Variants in FANCA observed in about 807,000 individuals in gnomAD.
FANCA encodes Fanconi anemia group A protein.
In FANCA, 236 loss-of-function variants were observed where a neutral mutation model predicts 194.3. That is an observed-to-expected ratio of 1.21 (90% CI 1.09 to 1.35). The LOEUF is 1.35. Ranked by LOEUF, FANCA falls within the 40% of genes most tolerant of loss-of-function variation. FANCA has a pLI of 0.00. For missense variants in FANCA, 2,628 were observed against 1,813.9 expected (o/e 1.45, Z -8.15); for synonymous variants, 1,014 against 715.8 (o/e 1.42, Z -6.65).
intron 14 of FANCA, among the ~76,000 whole-genome samples, chr16:89,787,326 A>T (rs2039931889): frequency 6.6e-6 from 1 of 152,108 alleles, no homozygotes; most frequent in Non-Finnish European, 1.5e-5. Flanking sequence ...GATCGAGACC[A>T]TCCTGGCTAA....
intron 23 of FANCA, 50 bp downstream of exon 23, chr16:89,771,628 A>G: frequency 6.2e-7 from 1 of 1,605,564 alleles, no homozygotes; most frequent in Non-Finnish European, 8.5e-7. Context: ...GCCTCTGCCT[A>G]ATGGAAAATG....
intron 21 of FANCA, among the ~76,000 whole-genome samples, chr16:89,774,724 T>A (rs1206180780): frequency 1.1e-4 from 2 of 19,038 alleles, no homozygotes; most frequent in African/African-American, 2.2e-4. Flanking sequence ...AGCGAGACTC[T>A]GTCTCAAAAA....
rs55869863 is a variant in FANCA at position 89,763,906 on chromosome 16, G to T, written c.2778+984C>A. On this transcript the variant is annotated intron_variant, in intron 28 of 42. Transcript: ENST00000389301. ...CAAGATTGCGCCACTGTGCCCCAGA[G>T]TAAGACTCCACCAGAAAAAAAAAAC... is the stretch of plus-strand genomic sequence containing the variant. 6.6e-3 allele frequency among the ~76,000 whole-genome samples: 827 copies of T among 124,720 alleles called. 6 individuals are homozygous for T. The highest frequency in any genetic ancestry group is 0.026 in the African/African-American group (802 of 30,702). 81.8% of individuals were successfully genotyped at this position (124,720 alleles called of 152,430 possible).
chr16:89,769,440 C>T (rs1439391422), intron 26 of FANCA, among the ~76,000 whole-genome samples: 1 of 152,112 alleles, frequency 6.6e-6, no homozygotes, highest in Non-Finnish European at 1.5e-5. Flanking sequence ...AGAAACAGCC[C>T]GAGGTGTACA....
Position 89,758,598 on chromosome 16 carries a change from G to A in FANCA, c.2960C>T (p.Ala987Val), listed in dbSNP as rs767606917. Residue 987 changes from alanine to valine, a missense_variant, in exon 30 of 43, where the codon GCA (alanine) becomes GTA (valine). Transcript: ENST00000389301. ...TAACCTTTGGTGGAAATCCATCAGTGCGTTGACAAGAATGGTACACGCAGC... is the reference window on the plus strand; with the variant it reads ...TAACCTTTGGTGGAAATCCATCAGTACGTTGACAAGAATGGTACACGCAGC... ...LQAACTILVNALMDFHQSSRS... is the reference protein window; with the variant it reads ...LQAACTILVNVLMDFHQSSRS... 15 of 1,613,822 alleles carry A rather than the reference G, an allele frequency of 9.3e-6. No homozygotes were observed. The highest frequency in any genetic ancestry group is 1.2e-5 in the Non-Finnish European group (14 of 1,179,892).
rs35254676 is a variant in FANCA, at chr16:89,749,961, G to A, written c.3067-59C>T. On this transcript the variant is annotated intron_variant, in intron 31 of 42. Transcript: ENST00000389301. ...CTCGGGGCTCACTGCCCAGCCAGTC[G>A]GGGACCCAGACGTCAGGGGTCAGGG... 8.0e-5 allele frequency: 128 copies of A among 1,592,686 alleles called. 2 individuals carry two copies. The African/African-American group carries it at 1.3e-3, about 16-fold the overall frequency.
chr16:89,775,899 A>T, intron 20 of FANCA, 84 bp from the exon 21 acceptor site: 2 of 829,744 alleles, frequency 2.4e-6, no homozygotes, highest in East Asian at 5.8e-5. Context: ...ATTATAAAAT[A>T]AAAACATATT....
At chr16:89,809,367 G>T (rs1048261849) in intron 5 of FANCA, among the ~76,000 whole-genome samples, 2 of 152,058 alleles carry the variant, frequency 1.3e-5, no homozygotes, top group Non-Finnish European at 2.9e-5. Context: ...ATGAGGGCAG[G>T]GACCAAAGCA....
intron 14 of FANCA, among the ~76,000 whole-genome samples, chr16:89,787,396 G>A (rs898242160): frequency 6.6e-6 from 1 of 152,074 alleles, no homozygotes; most frequent in Admixed American, 6.6e-5. Flanking sequence ...GGTGGCAGGC[G>A]CCTGTAGTCC....
rs921872731 is a variant in FANCA, at chr16:89,803,192, T to C, written c.792+67A>G. On this transcript the variant is annotated intron_variant, in intron 8 of 42. Coordinates refer to ENST00000389301, the MANE Select transcript of FANCA (RefSeq NM_000135.4). ...ACGTTTCAATAGAGAGACACGTAAA[T>C]ACATTTCAACACTTGGAATAAGGAC... 3 of 1,433,086 alleles carry C rather than the reference T, an allele frequency of 2.1e-6. No homozygotes were observed. In the African/African-American group the frequency reaches 4.2e-5, roughly 20 times the overall value. 88.8% of individuals were successfully genotyped at this position (1,433,086 alleles called of 1,614,324 possible).
intron 11 of FANCA, among the ~76,000 whole-genome samples, chr16:89,794,095 T>C (rs2040165096): frequency 6.6e-6 from 1 of 152,014 alleles, no homozygotes; most frequent in African/African-American, 2.4e-5. Flanking sequence ...GATCTTAATA[T>C]GTACTTTTTC....
chr16:89,793,083 G>C (rs571144011), intron 11 of FANCA, among the ~76,000 whole-genome samples: 1 of 152,192 alleles, frequency 6.6e-6, no homozygotes, highest in South Asian at 2.1e-4. Context: ...TTAGGCCTCC[G>C]GATAACTGTG....
At chr16:89,815,584 G>T (rs1462964602) in intron 2 of FANCA, among the ~76,000 whole-genome samples, 1 of 151,924 alleles carries the variant, frequency 6.6e-6, no homozygotes, top group Non-Finnish European at 1.5e-5. Context: ...TCGAACTCCT[G>T]ACCCTGAGTG....
intron 21 of FANCA, among the ~76,000 whole-genome samples, chr16:89,775,481 C>T (rs1479741119): frequency 6.6e-6 from 1 of 152,218 alleles, no homozygotes; most frequent in Non-Finnish European, 1.5e-5. Flanking sequence ...AGGAAGATGA[C>T]GAGTGACAAA....
At chr16:89,777,341 C>G (rs935232132) in intron 20 of FANCA, among the ~76,000 whole-genome samples, 4 of 152,102 alleles carry the variant, frequency 2.6e-5, no homozygotes, top group African/African-American at 7.2e-5. Context: ...ATGACTGCAC[C>G]GCTGCATTCC....
At chr16:89,803,081 C>A (rs891627740) in intron 8 of FANCA, among the ~76,000 whole-genome samples, 178 bp downstream of exon 8, 2 of 152,084 alleles carry the variant, frequency 1.3e-5, no homozygotes, top group South Asian at 4.1e-4. Context: ...CTGGAGGTGA[C>A]GGAGACTCTA....
At chr16:89,806,870 C>T (rs2040671124) in intron 6 of FANCA, among the ~76,000 whole-genome samples, 2 of 152,188 alleles carry the variant, frequency 1.3e-5, no homozygotes, top group Non-Finnish European at 2.9e-5. Flanking sequence ...TTGGGTACAC[C>T]TCCCAGACGG....
At chr16:89,767,040 G>A (rs2039152364) in intron 27 of FANCA, 101 bp downstream of exon 27, 1 of 954,942 alleles carries the variant, frequency 1.0e-6, no homozygotes, top group Non-Finnish European at 1.7e-6. Flanking sequence ...CTGCCCCTGA[G>A]ATGGGCACAA....
Position 89,738,696 on chromosome 16 carries a change from G to A in FANCA, c.4273C>T (p.Arg1425Cys), listed in dbSNP as rs587778321. The change falls in exon 43 of 43, where the codon CGT becomes TGT. Residue 1425 changes from arginine (R) to cysteine (C), a missense_variant. Coordinates refer to ENST00000389301, the MANE Select transcript of FANCA (RefSeq NM_000135.4). Reference protein sequence around the residue: ...FSHVAELLADRGDCDPEVSAA... With the variant: ...FSHVAELLADCGDCDPEVSAA... ...CTCACCTCTGGGTCGCAGTCCCCAC[G>A]ATCAGCCAGCAGCTGTGAGAGAGGA... 3.8e-5 allele frequency: 62 copies of A among 1,613,884 alleles called. 1 individual carries two copies. The highest frequency in any genetic ancestry group is 3.3e-4 in the Middle Eastern group (2 of 6,050).
Sources: gnomAD v4.1 joint callset for allele counts (sites outside exome capture counted in the v4.1 genomes callset) on GRCh38, gnomAD v4.1.1 for gene constraint, MANE v1.5 for transcripts, NCBI Gene and HGNC (gene_info 2026-07-23, HGNC 2026-07-21) for gene names.